The following TRAPPC3L variants were observed in gnomAD, a reference collection of about 807,000 sequenced individuals.
TRAPPC3L encodes trafficking protein particle complex subunit 3L, also known as trafficking protein particle complex subunit 3-like protein.
In TRAPPC3L, 23 loss-of-function variants were observed where a neutral mutation model predicts 23.7. That is an observed-to-expected ratio of 0.97 (90% CI 0.70 to 1.37). The LOEUF (loss-of-function observed/expected upper bound fraction) is 1.37, where lower values mean the gene tolerates loss of function less well. Among genes scored for constraint, TRAPPC3L ranks in the 40% most tolerant of loss-of-function variants. TRAPPC3L has a pLI of 0.00. For missense variants in TRAPPC3L, 212 were observed against 216.8 expected (o/e 0.98, Z 0.14); for synonymous variants, 81 against 77.9 (o/e 1.04, Z -0.21).
At chr6:116,503,991 A>C (rs539651783) in intron 3 of TRAPPC3L, among the ~76,000 whole-genome samples, 23 of 152,312 alleles carry the variant, frequency 1.5e-4, no homozygotes, top group African/African-American at 5.3e-4. Context: ...AGAAACTCGA[A>C]AGCTAGTAGA....
At chr6:116,504,042 T>G (rs573578103) in intron 3 of TRAPPC3L, among the ~76,000 whole-genome samples, 6 of 152,126 alleles carry the variant, frequency 3.9e-5, no homozygotes, top group African/African-American at 9.6e-5. Context: ...CTGAAGGAGA[T>G]AGAGACACAC....
At chr6:116,518,048 A>C (rs1004110383) in intron 3 of TRAPPC3L, 3 of 152,218 alleles carry the variant, frequency 2.0e-5, no homozygotes, top group African/African-American at 7.2e-5. Flanking sequence ...TTTCTGAGTT[A>C]TATTATTTTA....
intron 3 of TRAPPC3L, among the ~76,000 whole-genome samples, chr6:116,509,671 A>C (rs2640884): frequency 0.44 from 67,162 of 152,020 alleles, 15,678 homozygotes; most frequent in Middle Eastern, 0.58. Flanking sequence ...ATACAAAAAT[A>C]AACTCAAGAT....
chr6:116,538,028 T>C (rs1035191656), intron 3 of TRAPPC3L, among the ~76,000 whole-genome samples: 1 of 152,198 alleles, frequency 6.6e-6, no homozygotes, highest in Admixed American at 6.5e-5. Context: ...CTGGGAAGGA[T>C]TCATATGGGA....
At chr6:116,511,873 C>T (rs1374913689) in intron 3 of TRAPPC3L, 2 of 1,613,950 alleles carry the variant, frequency 1.2e-6, no homozygotes, top group East Asian at 2.2e-5. Context: ...TTGCTCCTGC[C>T]TGGGTGTTAC....
chr6:116,498,779 T>A (rs994324182), intron 4 of TRAPPC3L, among the ~76,000 whole-genome samples: 1 of 152,192 alleles, frequency 6.6e-6, no homozygotes, highest in East Asian at 1.9e-4. Flanking sequence ...CTTGAAATGA[T>A]CTCCTCTCTT....
rs2115150556 is a variant in TRAPPC3L, at chr6:116,497,021, C to T, written c.479G>A (p.Ser160Asn). The T allele has an allele frequency of 6.5e-7, 1 of 1,547,324 alleles. No individual in the cohort carries two copies. Among genetic ancestry groups the T allele is most frequent in the Non-Finnish European group, 8.7e-7 (1 of 1,145,898 alleles). The change falls in exon 5 of 5, where the codon AGT becomes AAT. Residue 160 changes from serine to asparagine, a missense_variant. Ser to Asn is a conservative substitution (Grantham distance 46, BLOSUM62 1). Coordinates refer to ENST00000368602, the MANE Select transcript of TRAPPC3L (RefSeq NM_001139444.3). ...AAATGTTATTCCTATTTCTGTCACA[C>T]TGTCACCTTTTAGTCTGTCTTGCAA... Reference protein sequence around the residue: ...TFLQDRLKGDSVTEIGITFLK... With the variant: ...TFLQDRLKGDNVTEIGITFLK...
intron 4 of TRAPPC3L, among the ~76,000 whole-genome samples, chr6:116,498,482 C>T (rs557998462): frequency 6.6e-6 from 1 of 152,330 alleles, no homozygotes; most frequent in Non-Finnish European, 1.5e-5. Flanking sequence ...ATGCATGCCT[C>T]ATTATTAGGT....
intron 3 of TRAPPC3L, among the ~76,000 whole-genome samples, chr6:116,514,091 G>A (rs1480382130): frequency 6.6e-6 from 1 of 152,024 alleles, no homozygotes; most frequent in East Asian, 1.9e-4. Flanking sequence ...GAGGACATAT[G>A]CAAAATAAGA....
At position 116,543,303 on chromosome 6, in the gene TRAPPC3L, A is replaced by G. The variant is rs972699144; in HGVS notation, c.140T>C (p.Met47Thr). 1.4e-5 allele frequency: 21 copies of G among 1,546,884 alleles called. No individual in the cohort carries two copies. The highest frequency in any genetic ancestry group is 1.8e-5 in the Non-Finnish European group (21 of 1,144,226). The change falls in exon 2 of 5, where the codon ATG (methionine) becomes ACG (threonine). Residue 47 changes from methionine (M) to threonine (T), a missense_variant and splice_region_variant. Coordinates refer to ENST00000368602, the MANE Select transcript of TRAPPC3L (RefSeq NM_001139444.3). ...ATAAGAATGAAGGACTTCCACTTAC[A>G]TTTTATCTAAATATTGGTTCACATC... ...DEDVNQYLDK[M>T]GYGIGTRLVE...
At chr6:116,512,612 A>G (rs1356021423) in intron 3 of TRAPPC3L, among the ~76,000 whole-genome samples, 1 of 152,252 alleles carries the variant, frequency 6.6e-6, no homozygotes, top group Admixed American at 6.5e-5. Flanking sequence ...AATTATTTAC[A>G]TTCAAGTTGT....
chr6:116,539,042 C>T (rs1359083667), intron 3 of TRAPPC3L, among the ~76,000 whole-genome samples: 2 of 152,090 alleles, frequency 1.3e-5, no homozygotes, highest in East Asian at 3.9e-4. Flanking sequence ...ATTCTCAAAC[C>T]AATCTATCCT....
intron 3 of TRAPPC3L, chr6:116,524,907 A>C (rs1169274373): frequency 6.6e-6 from 1 of 152,212 alleles, no homozygotes; most frequent in Non-Finnish European, 1.5e-5. Flanking sequence ...AACTAAGTTA[A>C]CTTGAAGTCT....
At chr6:116,541,443 A>G (rs1483652352) in intron 2 of TRAPPC3L, among the ~76,000 whole-genome samples, 1 of 152,208 alleles carries the variant, frequency 6.6e-6, no homozygotes, top group Non-Finnish European at 1.5e-5. Flanking sequence ...ACAAGACACC[A>G]CAGTGTTCAG....
intron 2 of TRAPPC3L, among the ~76,000 whole-genome samples, chr6:116,542,743 G>A (rs181439113): frequency 5.3e-5 from 8 of 152,128 alleles, no homozygotes; most frequent in Admixed American, 2.6e-4. Context: ...TACCTAATAT[G>A]TTTTTTAAGA....
Position 116,530,466 on chromosome 6 carries a change from T to C in TRAPPC3L, c.240+9897A>G, listed in dbSNP as rs1583279311. ...AGGATTAGATGACCAGAGCAAACTT[T>C]TGTAATTGGTTCCTTTATAAGAAGT... On this transcript the variant is annotated intron_variant, in intron 3 of 4. Transcript: ENST00000368602. Among the ~76,000 whole-genome samples the C allele has an allele frequency of 3.9e-5, 6 of 152,224 alleles. No individual in the cohort carries two copies. The South Asian group carries it at 1.2e-3, about 32-fold the overall frequency.
intron 3 of TRAPPC3L, among the ~76,000 whole-genome samples, chr6:116,532,700 T>C (rs1386777370): frequency 1.3e-5 from 2 of 152,214 alleles, no homozygotes; most frequent in Non-Finnish European, 2.9e-5. Context: ...ATGTACAAAA[T>C]AAGCTGGTCA....
chr6:116,541,328 G>A (rs1773440871), intron 2 of TRAPPC3L, among the ~76,000 whole-genome samples: 2 of 152,098 alleles, frequency 1.3e-5, no homozygotes, highest in African/African-American at 2.4e-5. Flanking sequence ...GAAATCAAAC[G>A]GAACACTATT....
rs10557481 is a variant in TRAPPC3L at position 116,530,902 on chromosome 6, CATATATATATATAT to C, written c.240+9447_240+9460del. Reference sequence around the variant, plus strand: ...GAAGGTTCATAGATAAAGTGAGACTCATATATATATATATATATATATATATATATATATATATA... The same window carrying C: ...GAAGGTTCATAGATAAAGTGAGACTCATATATATATATATATATATATATA... On this transcript the variant is annotated intron_variant, in intron 3 of 4. Transcript: ENST00000368602. 5.7e-3 allele frequency among the ~76,000 whole-genome samples: 438 copies of C among 76,490 alleles called. 12 individuals carry two copies. Among genetic ancestry groups the C allele is most frequent in the Admixed American group, 0.037 (272 of 7,328 alleles). The allele number at this position is 76,490 out of a possible 152,430, so 50.2% of individuals were successfully genotyped here. A position where few individuals can be genotyped will look rare whatever the true frequency, so the allele number is the denominator to read the frequency against.
Sources: allele counts gnomAD v4.1 joint callset (sites outside exome capture counted in the v4.1 genomes callset), GRCh38; gene constraint gnomAD v4.1.1; transcripts MANE v1.5; gene names NCBI Gene and HGNC (gene_info 2026-07-23, HGNC 2026-07-21).